Variants in SLC4A4 observed in about 807,000 individuals in gnomAD.
SLC4A4 encodes the protein electrogenic sodium bicarbonate cotransporter 1.
In SLC4A4, 27 loss-of-function variants were observed where a neutral mutation model predicts 111.5. The observed-to-expected ratio is 0.24, with a 90% CI of 0.18 to 0.33. The LOEUF is 0.33. Among genes scored for constraint, SLC4A4 ranks in the 10% least tolerant of loss-of-function variants. The pLI, the probability that SLC4A4 is intolerant of heterozygous loss-of-function variation, is 1.00. For missense variants in SLC4A4, 909 were observed against 1,315.5 expected, an observed-to-expected ratio of 0.69 and a Z score of 4.78; for synonymous variants, 443 against 463.4, an observed-to-expected ratio of 0.96 and a Z score of 0.57.
intron 7 of SLC4A4, among the ~76,000 whole-genome samples, chr4:71,413,707 G>A (rs1470635208): frequency 6.6e-6 from 1 of 152,190 alleles, no homozygotes; most frequent in Non-Finnish European, 1.5e-5. Flanking sequence ...TGCTGTTCTA[G>A]AAGTATAACC....
intron 3 of SLC4A4, among the ~76,000 whole-genome samples, chr4:71,268,542 G>A (rs1388881542): frequency 6.6e-6 from 1 of 152,192 alleles, no homozygotes; most frequent in African/African-American, 2.4e-5. Flanking sequence ...CATTTCTGAT[G>A]CAAAGGGAGA....
At chr4:71,120,921 T>G (rs1743397874) in intron 2 of SLC4A4, among the ~76,000 whole-genome samples, 1 of 151,654 alleles carries the variant, frequency 6.6e-6, no homozygotes, top group African/African-American at 2.4e-5. Flanking sequence ...TGCGGGGAGG[T>G]GTGGAGGGAG....
At chr4:71,387,704 G>A (rs1362868665) in intron 6 of SLC4A4, among the ~76,000 whole-genome samples, 1 of 152,088 alleles carries the variant, frequency 6.6e-6, no homozygotes, top group Middle Eastern at 3.2e-3. Flanking sequence ...ATGTTGGTCA[G>A]GCTGGGCTCA....
At chr4:71,122,852 T>C (rs1222222474) in intron 2 of SLC4A4, among the ~76,000 whole-genome samples, 6 of 152,156 alleles carry the variant, frequency 3.9e-5, no homozygotes, top group Non-Finnish European at 8.8e-5. Flanking sequence ...TGTGTCTGCC[T>C]CATGTCAATA....
intron 1 of SLC4A4, among the ~76,000 whole-genome samples, chr4:71,088,660 A>T (rs1742273279): frequency 6.6e-6 from 1 of 151,926 alleles, no homozygotes; most frequent in Admixed American, 6.6e-5. Context: ...TCCTTCACTT[A>T]TGAAGCTTAG....
intron 16 of SLC4A4, 21 bp from the exon 17 acceptor site, chr4:71,532,041 G>A: frequency 7.0e-7 from 1 of 1,433,776 alleles, no homozygotes; most frequent in Non-Finnish European, 9.8e-7. Flanking sequence ...ATGGTTCCTG[G>A]TTTCTTTTTT....
At chr4:71,128,305 G>A (rs1045602329) in intron 2 of SLC4A4, among the ~76,000 whole-genome samples, 2 of 152,024 alleles carry the variant, frequency 1.3e-5, no homozygotes, top group African/African-American at 2.4e-5. Flanking sequence ...GTCAGATCTC[G>A]TGAGACCCAT....
intron 1 of SLC4A4, among the ~76,000 whole-genome samples, chr4:71,234,953 A>G (rs1477503936): frequency 1.3e-5 from 2 of 152,192 alleles, no homozygotes; most frequent in African/African-American, 2.4e-5. Context: ...TTGACTGGTC[A>G]GGGTGAAAAG....
chr4:71,281,455 G>A (rs1723508625), intron 3 of SLC4A4, among the ~76,000 whole-genome samples: 1 of 152,096 alleles, frequency 6.6e-6, no homozygotes, highest in African/African-American at 2.4e-5. Context: ...CTGCAACTTG[G>A]GAAACTAGTA....
chr4:71,516,595 TCA>T, intron 16 of SLC4A4, among the ~76,000 whole-genome samples: 1 of 152,258 alleles, frequency 6.6e-6, no homozygotes, highest in South Asian at 2.1e-4. Flanking sequence ...CTTGCTAATG[TCA>T]GTGTTCATGT....
At chr4:71,120,737 G>A (rs575116109) in intron 2 of SLC4A4, among the ~76,000 whole-genome samples, 37 of 152,244 alleles carry the variant, frequency 2.4e-4, no homozygotes, top group African/African-American at 7.7e-4. Context: ...GCGTGGTGGC[G>A]GGTGCCTGTA....
At chr4:71,536,711 G>T (rs1355012357) in intron 18 of SLC4A4, among the ~76,000 whole-genome samples, 1 of 150,378 alleles carries the variant, frequency 6.6e-6, no homozygotes, top group Non-Finnish European at 1.5e-5. Flanking sequence ...GGTCAGGCTG[G>T]TCTTGAACTC....
chr4:71,221,356 T>G (rs998905106), intron 1 of SLC4A4, among the ~76,000 whole-genome samples: 1 of 152,214 alleles, frequency 6.6e-6, no homozygotes, highest in African/African-American at 2.4e-5. Flanking sequence ...TTCCACAATG[T>G]GGACCACTCC....
intron 14 of SLC4A4, among the ~76,000 whole-genome samples, chr4:71,481,883 G>T (rs886294532): frequency 6.6e-6 from 1 of 150,378 alleles, no homozygotes; most frequent in Non-Finnish European, 1.5e-5. Flanking sequence ...AACAGAGATT[G>T]TCCCAGTGGT....
chr4:71,103,121 C>G (rs1043024764), intron 2 of SLC4A4, among the ~76,000 whole-genome samples: 4 of 151,808 alleles, frequency 2.6e-5, no homozygotes, highest in Non-Finnish European at 5.9e-5. Context: ...GGTTGCAATC[C>G]TAGTTTCTGA....
At chr4:71,439,080 C>A (rs1299474883) in intron 7 of SLC4A4, among the ~76,000 whole-genome samples, 1 of 151,330 alleles carries the variant, frequency 6.6e-6, no homozygotes, top group Non-Finnish European at 1.5e-5. Context: ...TTTTTGATAG[C>A]AACATTTCTC....
intron 2 of SLC4A4, among the ~76,000 whole-genome samples, chr4:71,136,319 T>C (rs553267172): frequency 1.3e-5 from 2 of 152,358 alleles, no homozygotes; most frequent in East Asian, 3.9e-4. Flanking sequence ...CATAGCTGAA[T>C]GCTTTTCTCA....
At chr4:71,216,658 C>T (rs1249044316) in intron 1 of SLC4A4, among the ~76,000 whole-genome samples, 2 of 152,166 alleles carry the variant, frequency 1.3e-5, no homozygotes, top group African/African-American at 4.8e-5. Context: ...CTTTGGAAGG[C>T]TATCTGGTTA....
chr4:71,534,452 A>C, intron 18 of SLC4A4, 64 bp downstream of exon 18: 1 of 1,518,582 alleles, frequency 6.6e-7, no homozygotes, highest in Non-Finnish European at 9.1e-7. Flanking sequence ...GAAAACACTA[A>C]TTGATTAAAA....
Sources: allele counts gnomAD v4.1 joint callset (sites outside exome capture counted in the v4.1 genomes callset), GRCh38; gene constraint gnomAD v4.1.1; transcripts MANE v1.5; gene names NCBI Gene and HGNC (gene_info 2026-07-23, HGNC 2026-07-21).